The following SNTG2 variants were observed in gnomAD, a reference collection of about 807,000 sequenced individuals.
The protein encoded by SNTG2 is gamma-2-syntrophin.
A neutral mutation model predicts 70.9 loss-of-function variants in SNTG2; 74 were observed. The ratio of observed to expected loss-of-function variants is 1.04; its 90% CI spans 0.86 to 1.27. SNTG2 has a LOEUF of 1.27. SNTG2 is among the 50% of genes most tolerant of loss of function. The pLI is 0.00. For synonymous variants in SNTG2, 278 were observed against 273.8 expected (o/e 1.02, Z -0.15); for missense variants, 717 against 690.7 (o/e 1.04, Z -0.43).
intron 12 of SNTG2, among the ~76,000 whole-genome samples, chr2:1,250,475 CTG>C (rs980338823): frequency 1.3e-5 from 2 of 152,040 alleles, no homozygotes; most frequent in African/African-American, 4.8e-5. Context: ...CTGACTCTCT[CTG>C]TGTCTCTTCC....
At chr2:1,161,943 G>C (rs559501739) in intron 6 of SNTG2, among the ~76,000 whole-genome samples, 1 of 151,908 alleles carries the variant, frequency 6.6e-6, no homozygotes, top group East Asian at 1.9e-4. Flanking sequence ...GCGAGATGGC[G>C]GGCGCCTGTA....
intron 1 of SNTG2, among the ~76,000 whole-genome samples, chr2:1,069,200 T>C (rs2148131988): frequency 6.6e-6 from 1 of 152,256 alleles, no homozygotes; most frequent in East Asian, 1.9e-4. Flanking sequence ...AACACGAAAA[T>C]CGTGTCTGAA....
chr2:1,120,806 T>C (rs1394542515), intron 4 of SNTG2, among the ~76,000 whole-genome samples: 1 of 152,068 alleles, frequency 6.6e-6, no homozygotes, highest in Non-Finnish European at 1.5e-5. Flanking sequence ...ACAACAGTAA[T>C]AGGGGACTTC....
chr2:1,217,569 G>A (rs891716847), intron 9 of SNTG2, among the ~76,000 whole-genome samples: 10 of 152,150 alleles, frequency 6.6e-5, no homozygotes, highest in African/African-American at 1.9e-4. Flanking sequence ...TGTGACACTC[G>A]GTAGGTCGTT....
At chr2:1,201,835 A>G (rs995820394) in intron 8 of SNTG2, among the ~76,000 whole-genome samples, 2 of 152,060 alleles carry the variant, frequency 1.3e-5, no homozygotes, top group Non-Finnish European at 2.9e-5. Context: ...TCTGAATTAC[A>G]TATCATGGAG....
intron 16 of SNTG2, among the ~76,000 whole-genome samples, chr2:1,348,564 C>T (rs1015057318): frequency 2.0e-5 from 3 of 152,210 alleles, no homozygotes; most frequent in African/African-American, 7.2e-5. Flanking sequence ...TTTCAGTCTA[C>T]TTCTAATCTG....
At chr2:1,134,774 G>A (rs1668260377) in intron 4 of SNTG2, among the ~76,000 whole-genome samples, 1 of 152,164 alleles carries the variant, frequency 6.6e-6, no homozygotes, top group South Asian at 2.1e-4. Flanking sequence ...GTGGAGCAGG[G>A]GGCGTCGCTC....
Position 1,294,121 on chromosome 2 carries a change from T to G in SNTG2, c.1285-14373T>G, listed in dbSNP as rs4560157. On this transcript the variant is annotated intron_variant, in intron 14 of 16. Coordinates refer to ENST00000308624, the MANE Select transcript of SNTG2 (RefSeq NM_018968.4). ...CTGCAATCTCACCCTCTCCAGATCG[T>G]CTGTCCCTGAAGTCCTCAGTGGCTC... Among the ~76,000 whole-genome samples, 681 of 152,316 alleles carry G rather than the reference T, an allele frequency of 4.5e-3. 6 individuals carry two copies. The highest frequency in any genetic ancestry group is 0.015 in the African/African-American group (639 of 41,560).
chr2:1,231,654 C>A (rs1458409401), intron 9 of SNTG2, among the ~76,000 whole-genome samples: 1 of 152,106 alleles, frequency 6.6e-6, no homozygotes, highest in Non-Finnish European at 1.5e-5. Context: ...TTCTTACAGC[C>A]CAGTGGTGTG....
chr2:1,041,333 A>C (rs1430801730), intron 1 of SNTG2, among the ~76,000 whole-genome samples: 1 of 152,220 alleles, frequency 6.6e-6, no homozygotes, highest in African/African-American at 2.4e-5. Flanking sequence ...AAAGCTTTCA[A>C]CTTAAAGTCT....
intron 4 of SNTG2, among the ~76,000 whole-genome samples, chr2:1,124,660 C>T (rs1667596583): frequency 6.6e-6 from 1 of 152,130 alleles, no homozygotes; most frequent in South Asian, 2.1e-4. Context: ...CTGGAGGACG[C>T]TATGCCAGGG....
chr2:1,278,919 G>GACGCGAATCACCCCTGTCAGT (rs1679382954), intron 14 of SNTG2, among the ~76,000 whole-genome samples: 1 of 69,678 alleles, frequency 1.4e-5, no homozygotes. Flanking sequence ...ATCCCCCCGG[G>GACGCGAATCACCCCTGTCAGT]ACGCGAATCA....
chr2:1,089,220 A>G (rs1318677299), intron 2 of SNTG2, among the ~76,000 whole-genome samples: 1 of 152,242 alleles, frequency 6.6e-6, no homozygotes, highest in Non-Finnish European at 1.5e-5. Flanking sequence ...TTAATTTTCA[A>G]CACTATTGAG....
At chr2:1,279,771 C>A (rs994732961) in intron 14 of SNTG2, among the ~76,000 whole-genome samples, 1 of 152,188 alleles carries the variant, frequency 6.6e-6, no homozygotes, top group Admixed American at 6.5e-5. Context: ...ATTCCAGGAC[C>A]GCTATTTCTG....
intron 4 of SNTG2, among the ~76,000 whole-genome samples, chr2:1,122,722 C>CAAAAAAAAAAAAAAA (rs60163290): frequency 1.6e-5 from 2 of 121,942 alleles, no homozygotes; most frequent in Non-Finnish European, 3.7e-5. Context: ...AGCAATCAGA[C>CAAAAAAAAAAAAAAA]AAAAAAAAAA....
Position 1,239,748 on chromosome 2 carries a change from C to A in SNTG2, c.860C>A (p.Ala287Glu). 1.2e-6 allele frequency: 2 copies of A among 1,613,356 alleles called. No homozygotes were observed. The highest frequency in any genetic ancestry group is 1.3e-5 in the African/African-American group (1 of 75,022). ...GCCTTCTCTCCACAGATGAAGATGG[C>A]GAACAAATGCTGCTCTCCTTCCGAC... Reference protein sequence around the residue: ...RELTLQNMKMANKCCSPSDQV... With the variant: ...RELTLQNMKMENKCCSPSDQV... The change falls in exon 11 of 17, where the codon GCG (alanine) becomes GAG (glutamate). Residue 287 changes from alanine (A) to glutamate (E), a missense_variant. Coordinates refer to ENST00000308624, the MANE Select transcript of SNTG2 (RefSeq NM_018968.4).
intron 14 of SNTG2, among the ~76,000 whole-genome samples, chr2:1,291,328 T>A (rs1558183105): frequency 1.3e-5 from 2 of 152,244 alleles, no homozygotes; most frequent in Non-Finnish European, 2.9e-5. Flanking sequence ...GGTGGTGTCC[T>A]CTGATACACA....
chr2:1,203,890 G>T (rs796603592), intron 8 of SNTG2, among the ~76,000 whole-genome samples: 31 of 152,062 alleles, frequency 2.0e-4, no homozygotes, highest in African/African-American at 7.5e-4. Flanking sequence ...TTAGATGACA[G>T]CATAGCAACG....
intron 1 of SNTG2, among the ~76,000 whole-genome samples, chr2:1,079,425 G>A (rs897503493): frequency 1.3e-5 from 2 of 152,122 alleles, no homozygotes; most frequent in African/African-American, 2.4e-5. Context: ...GATTTGGAAC[G>A]CCTAATTACC....
Sources: allele counts gnomAD v4.1 joint callset (sites outside exome capture counted in the v4.1 genomes callset), GRCh38; gene constraint gnomAD v4.1.1; transcripts MANE v1.5; gene names NCBI Gene and HGNC (gene_info 2026-07-23, HGNC 2026-07-21).